SLC37A3: variants seen among roughly 807,000 people sequenced by gnomAD.
SLC37A3 encodes the protein solute carrier family 37 member 3.
SLC37A3 carries 51 observed loss-of-function variants against 67.1 expected under a neutral mutation model. The observed-to-expected ratio is 0.76, with a 90% CI of 0.61 to 0.96. The LOEUF (loss-of-function observed/expected upper bound fraction) is 0.96. SLC37A3 is among the 40% of genes least tolerant of loss of function. SLC37A3 has a pLI of 0.00. For missense variants in SLC37A3, 508 were observed against 603.0 expected (o/e 0.84, Z 1.65); for synonymous variants, 214 against 231.4 (o/e 0.92, Z 0.68).
At chr7:140,346,391 G>A (rs1796562789) in intron 10 of SLC37A3, among the ~76,000 whole-genome samples, 1 of 151,664 alleles carries the variant, frequency 6.6e-6, no homozygotes, top group South Asian at 2.1e-4. Context: ...AAAAAAAATA[G>A]GTCTGACTCC....
chr7:140,336,033 AG>A (rs1381634635), intron 14 of SLC37A3, among the ~76,000 whole-genome samples: 1 of 152,210 alleles, frequency 6.6e-6, no homozygotes, highest in African/African-American at 2.4e-5. Flanking sequence ...GGGTGGTGGA[AG>A]CTGCCTTCAA....
chr7:140,355,607 G>T, intron 7 of SLC37A3, 61 bp downstream of exon 7: 1 of 1,376,676 alleles, frequency 7.3e-7, no homozygotes, highest in Non-Finnish European at 1.0e-6. Context: ...TACATAAAAA[G>T]CAATACACAT....
At chr7:140,363,057 A>T (rs62490377) in intron 5 of SLC37A3, among the ~76,000 whole-genome samples, 1 of 52,796 alleles carries the variant, frequency 1.9e-5, no homozygotes, top group African/African-American at 6.9e-5. Flanking sequence ...CCGCCCCGTC[A>T]GGGAGGGTGG....
At chr7:140,341,047 T>C (rs111524769) in intron 13 of SLC37A3, among the ~76,000 whole-genome samples, 7,692 of 152,254 alleles carry the variant, frequency 0.051, 212 homozygotes, top group Non-Finnish European at 0.071. Flanking sequence ...GCGATCCTCC[T>C]GTCTCAGCCT....
intron 3 of SLC37A3, among the ~76,000 whole-genome samples, chr7:140,374,324 C>T (rs1404939299): frequency 1.3e-5 from 2 of 151,924 alleles, no homozygotes; most frequent in East Asian, 1.9e-4. Context: ...TGGCAAAACC[C>T]CATCTCTACC....
chr7:140,360,931 G>A lies in SLC37A3; in HGVS notation c.376-2146C>T, dbSNP rs149026757. 3.0e-4 allele frequency among the ~76,000 whole-genome samples: 45 copies of A among 152,038 alleles called. No individual in the cohort carries two copies. In the East Asian group the frequency reaches 8.4e-3, roughly 28 times the overall value. On this transcript the variant is annotated intron_variant, in intron 5 of 14. Coordinates refer to ENST00000326232, the MANE Select transcript of SLC37A3 (RefSeq NM_207113.3). ...CAGAAACCCAGGCTGTCCTTGTCTA[G>A]GGAATCTGTGATTTTAACCACTGCA...
In SLC37A3 at chr7:140,352,156, A is replaced by G. The variant is rs1227293542; in HGVS notation, c.619-10T>C. On this transcript the variant is annotated splice_polypyrimidine_tract_variant and intron_variant, in intron 7 of 14. Coordinates refer to ENST00000326232, the MANE Select transcript of SLC37A3 (RefSeq NM_207113.3). ...TCACCAGAAAGGCATACTGGAGGAG[A>G]GGGGTGAAAGGTGGTCCTTACATAT... 1.4e-6 allele frequency: 2 copies of G among 1,428,442 alleles called. No individual in the cohort carries two copies. The allele number at this position is 1,428,442 out of a possible 1,614,324, so 88.5% of individuals were successfully genotyped here. A position where few individuals can be genotyped will look rare whatever the true frequency, so the allele number is the denominator to read the frequency against.
At chr7:140,385,303 C>T (rs753266491) in intron 1 of SLC37A3, among the ~76,000 whole-genome samples, 22 of 152,162 alleles carry the variant, frequency 1.4e-4, no homozygotes, top group Non-Finnish European at 2.8e-4. Flanking sequence ...TAAAATTCCA[C>T]TCACAAAATG....
intron 5 of SLC37A3, 71 bp downstream of exon 5, chr7:140,364,335 CAG>C: frequency 7.4e-7 from 1 of 1,352,392 alleles, no homozygotes; most frequent in Non-Finnish European, 1.0e-6. Context: ...TTCTATTCTA[CAG>C]AGAAGTAGGG....
At chr7:140,376,792 G>A (rs1798049172) in intron 3 of SLC37A3, among the ~76,000 whole-genome samples, 1 of 152,098 alleles carries the variant, frequency 6.6e-6, no homozygotes, top group African/African-American at 2.4e-5. Context: ...GACACTTTTT[G>A]AGACAGGGTC....
Position 140,380,276 on chromosome 7 carries a change from G to A in SLC37A3, c.198+6C>T. ...TCGATCCATCCCAGCACTCTGTTCT[G>A]CTTACCTCCACAGGCAGCTCAACTG... On this transcript the variant is annotated splice_donor_region_variant and intron_variant, in intron 3 of 14. Coordinates refer to ENST00000326232, the MANE Select transcript of SLC37A3 (RefSeq NM_207113.3). The A allele has an allele frequency of 1.9e-6, 3 of 1,587,258 alleles. No individual in the cohort carries two copies. The highest frequency in any genetic ancestry group is 2.6e-6 in the Non-Finnish European group (3 of 1,155,992).
intron 1 of SLC37A3, among the ~76,000 whole-genome samples, chr7:140,387,944 T>C (rs1798571072): frequency 1.5e-5 from 2 of 135,356 alleles, no homozygotes; most frequent in African/African-American, 5.6e-5. Flanking sequence ...CAGTGAGCCG[T>C]GATTGTGCCA....
chr7:140,346,642 A>C (rs1796572042), intron 10 of SLC37A3, among the ~76,000 whole-genome samples: 1 of 152,196 alleles, frequency 6.6e-6, no homozygotes, highest in South Asian at 2.1e-4. Flanking sequence ...GCTCATGCCT[A>C]TAATCCCAGC....
chr7:140,343,685 A>T lies in SLC37A3; in HGVS notation c.1175-122T>A, dbSNP rs896133140. ...GTTGGAGAGAAGTGGAAAAAAAAGG[A>T]AACCCCCAGATAGTATCATTTTCAA... On this transcript the variant is annotated intron_variant, in intron 12 of 14. Transcript: ENST00000326232. 6 of 980,680 alleles carry T rather than the reference A, an allele frequency of 6.1e-6. No homozygotes were observed. In the African/African-American group the frequency reaches 9.9e-5, roughly 16 times the overall value. The allele number at this position is 980,680 out of a possible 1,614,324, so 60.7% of individuals were successfully genotyped here. A position where few individuals can be genotyped will look rare whatever the true frequency, so the allele number is the denominator to read the frequency against.
chr7:140,365,717 T>C (rs1268713425), intron 4 of SLC37A3, among the ~76,000 whole-genome samples: 1 of 151,520 alleles, frequency 6.6e-6, no homozygotes, highest in Non-Finnish European at 1.5e-5. Flanking sequence ...TGGGACTCCA[T>C]CTCAAAAAAA....
intron 6 of SLC37A3, among the ~76,000 whole-genome samples, chr7:140,357,358 C>G (rs1452167921): frequency 1.3e-5 from 2 of 152,100 alleles, no homozygotes; most frequent in Non-Finnish European, 2.9e-5. Flanking sequence ...TTTGTAACCG[C>G]CCAAAACTGA....
chr7:140,364,477 A>G lies in SLC37A3; in HGVS notation c.306T>C (p.Ser102=), dbSNP rs777327963. 6.2e-7 allele frequency: 1 copy of G among 1,614,006 alleles called. No individual in the cohort carries two copies. Among genetic ancestry groups the G allele is most frequent in the East Asian group, 2.2e-5 (1 of 44,892 alleles). Residue 102 remains serine, a synonymous_variant, in exon 5 of 15, where the codon AGT becomes AGC. Coordinates refer to ENST00000326232, the MANE Select transcript of SLC37A3 (RefSeq NM_207113.3). ...AATTCAACCGATCCCCAACGATGCC[A>G]CTGATGAATAGGCCCTAAAAATAAA... The part of the protein sequence containing the change: ...LFSYAVGLFI[S]GIVGDRLNLR...
rs766098341 is a variant in SLC37A3, at chr7:140,355,661, T to C, written c.618+7A>G. ...AGAGAGCACCAGAGCTAGAAAACAA[T>C]ACCTACCTCATAACCATACTGAAGA... On this transcript the variant is annotated splice_region_variant and intron_variant, in intron 7 of 14. Transcript: ENST00000326232. The C allele has an allele frequency of 6.2e-6, 10 of 1,611,744 alleles. No individual in the cohort carries two copies. Among genetic ancestry groups the C allele is most frequent in the East Asian group, 2.2e-5 (1 of 44,856 alleles).
At chr7:140,373,182 C>T (rs191023261) in intron 3 of SLC37A3, among the ~76,000 whole-genome samples, 2 of 152,178 alleles carry the variant, frequency 1.3e-5, no homozygotes, top group Non-Finnish European at 2.9e-5. Flanking sequence ...AACTCCTGAC[C>T]TCGTGATCTG....
Sources: allele counts gnomAD v4.1 joint callset (sites outside exome capture counted in the v4.1 genomes callset), GRCh38; gene constraint gnomAD v4.1.1; transcripts MANE v1.5; gene names NCBI Gene and HGNC (gene_info 2026-07-23, HGNC 2026-07-21).